FAM13A: variants seen among roughly 807,000 people sequenced by gnomAD.
FAM13A encodes protein FAM13A.
Under a neutral mutation model 129.6 loss-of-function variants are expected in FAM13A, and 76 were observed. That is an observed-to-expected ratio of 0.59 (90% CI 0.49 to 0.71). FAM13A has a LOEUF of 0.71. Among genes scored for constraint, FAM13A ranks in the 30% least tolerant of loss-of-function variants. The pLI is 0.00. For missense variants in FAM13A, 1,108 were observed against 1,249.3 expected (o/e 0.89, Z 1.70); for synonymous variants, 443 against 449.9 (o/e 0.98, Z 0.20).
chr4:88,974,602 G>A (rs141566522), intron 4 of FAM13A, among the ~76,000 whole-genome samples: 40 of 151,994 alleles, frequency 2.6e-4, no homozygotes, highest in Non-Finnish European at 1.5e-4. Flanking sequence ...TCAGCCTCCC[G>A]AGTAGCTGGG....
At chr4:88,822,117 T>G (rs1732071115) in intron 7 of FAM13A, among the ~76,000 whole-genome samples, 1 of 152,208 alleles carries the variant, frequency 6.6e-6, no homozygotes, top group Non-Finnish European at 1.5e-5. Flanking sequence ...ATAGTTTTCC[T>G]AAATGAAACA....
At chr4:88,793,910 A>G (rs1725669128) in intron 8 of FAM13A, among the ~76,000 whole-genome samples, 1 of 151,994 alleles carries the variant, frequency 6.6e-6, no homozygotes, top group Admixed American at 6.6e-5. Context: ...ATTCACCCTT[A>G]ACAAAATTTT....
intron 6 of FAM13A, among the ~76,000 whole-genome samples, chr4:88,903,434 G>T (rs1477400794): frequency 6.6e-6 from 1 of 152,052 alleles, no homozygotes; most frequent in East Asian, 1.9e-4. Flanking sequence ...CAATGGAATA[G>T]AATAGAGAAG....
intron 7 of FAM13A, among the ~76,000 whole-genome samples, chr4:88,832,748 A>G (rs762332310): frequency 6.6e-6 from 1 of 152,160 alleles, no homozygotes; most frequent in Non-Finnish European, 1.5e-5. Context: ...TGGCAAGGTT[A>G]AGGAGAAAAA....
At chr4:88,943,537 T>C (rs1055590774) in intron 4 of FAM13A, among the ~76,000 whole-genome samples, 1 of 152,248 alleles carries the variant, frequency 6.6e-6, no homozygotes, top group Non-Finnish European at 1.5e-5. Flanking sequence ...AACATGGCCA[T>C]TTTAAATCTT....
At chr4:89,007,909 C>T (rs185064972) in intron 3 of FAM13A, among the ~76,000 whole-genome samples, 90 of 152,288 alleles carry the variant, frequency 5.9e-4, no homozygotes, top group African/African-American at 2.1e-3. Flanking sequence ...AGTCACCTAA[C>T]GGCACCCATT....
chr4:88,935,145 T>C (rs1753646572), intron 5 of FAM13A, among the ~76,000 whole-genome samples: 1 of 152,332 alleles, frequency 6.6e-6, no homozygotes, highest in East Asian at 1.9e-4. Context: ...ATTTTGCAGC[T>C]ACTGACCAGA....
intron 5 of FAM13A, among the ~76,000 whole-genome samples, chr4:88,935,917 C>A (rs902699881): frequency 2.7e-5 from 4 of 148,286 alleles, no homozygotes; most frequent in Non-Finnish European, 4.5e-5. Context: ...AGACTATCAG[C>A]GAGATCAGTT....
At chr4:88,887,510 T>A (rs967094007) in intron 6 of FAM13A, among the ~76,000 whole-genome samples, 1 of 150,946 alleles carries the variant, frequency 6.6e-6, no homozygotes, top group East Asian at 1.9e-4. Flanking sequence ...ATCATTTGGT[T>A]CACATATGTA....
chr4:88,732,628 T>C (rs1738078841), intron 21 of FAM13A: 1 of 136,254 alleles, frequency 7.3e-6, no homozygotes, highest in African/African-American at 3.2e-5. Context: ...CTCAGATGGC[T>C]TTAAAAAAAA....
At position 88,918,223 on chromosome 4, in the gene FAM13A, C is replaced by T. The variant is rs149792065; in HGVS notation, c.760-11761G>A. On this transcript the variant is annotated intron_variant, in intron 5 of 23. Coordinates refer to ENST00000264344, the MANE Select transcript of FAM13A (RefSeq NM_014883.4). The stretch of plus-strand genomic sequence containing the variant: ...ACTCGAGAAAATTTTGAATTGAAAT[C>T]GTGCAGCATTGATGGTAATGATAAT... Among the ~76,000 whole-genome samples the T allele has an allele frequency of 7.8e-4, 119 of 152,236 alleles. 1 individual carries two copies. Among genetic ancestry groups the T allele is most frequent in the East Asian group, 6.2e-3 (32 of 5,184 alleles).
chr4:88,832,199 A>G (rs529008323), intron 7 of FAM13A, among the ~76,000 whole-genome samples: 3 of 152,342 alleles, frequency 2.0e-5, no homozygotes, highest in African/African-American at 7.2e-5. Context: ...GAAAACTGAA[A>G]CTGGACCCCT....
chr4:88,909,270 GA>G (rs1748653283), intron 5 of FAM13A, among the ~76,000 whole-genome samples: 1 of 152,082 alleles, frequency 6.6e-6, no homozygotes, highest in South Asian at 2.1e-4. Flanking sequence ...CTATAAAAAG[GA>G]ATAAAGTACT....
At chr4:89,017,912 C>A (rs1479265852) in intron 3 of FAM13A, among the ~76,000 whole-genome samples, 1 of 152,078 alleles carries the variant, frequency 6.6e-6, no homozygotes. Context: ...ACAACCAGAA[C>A]AAACTGTTCT....
chr4:88,749,018 T>C lies in FAM13A; in HGVS notation c.2095A>G (p.Lys699Glu). The C allele has an allele frequency of 6.2e-7, 1 of 1,613,492 alleles. No homozygotes were observed. The highest frequency in any genetic ancestry group is 1.1e-5 in the South Asian group (1 of 91,048). The change falls in exon 17 of 24, where the codon AAA becomes GAA. Residue 699 changes from lysine to glutamate, a missense_variant. Around this residue, in one of 3 missense-constraint regions of FAM13A, gnomAD observed 529 missense variants for 621.2 expected, o/e 0.85. Coordinates refer to ENST00000264344, the MANE Select transcript of FAM13A (RefSeq NM_014883.4). ...TTCAGAACCTCCGGATTGGCTGCTTTGTCACTGTGGGAAGGCTGAGAAAAG... is the reference window on the plus strand; with the variant it reads ...TTCAGAACCTCCGGATTGGCTGCTTCGTCACTGTGGGAAGGCTGAGAAAAG... ...EKKYRPSHSDKAANPEVLKWT... is the reference protein window; with the variant it reads ...EKKYRPSHSDEAANPEVLKWT...
rs1470372241 is a variant in FAM13A at position 88,991,242 on chromosome 4, C to T, written c.428-92G>A. ...GTGTAATACATTCTAACATTTTATT[C>T]AGAAAAAAACTCTTGAGAGACTGAG... is the stretch of plus-strand genomic sequence containing the variant. On this transcript the variant is annotated intron_variant, in intron 3 of 23. Coordinates refer to ENST00000264344, the MANE Select transcript of FAM13A (RefSeq NM_014883.4). The T allele has an allele frequency of 6.5e-6, 6 of 921,266 alleles. No homozygotes were observed. The East Asian group carries it at 1.3e-4, about 20-fold the overall frequency. The allele number at this position is 921,266 out of a possible 1,614,324, so 57.1% of individuals were successfully genotyped here.
chr4:88,752,069 G>A (rs1742743584), intron 14 of FAM13A, among the ~76,000 whole-genome samples: 1 of 152,080 alleles, frequency 6.6e-6, no homozygotes, highest in South Asian at 2.1e-4. Context: ...AATCCTGGCC[G>A]CACATTAAAG....
At chr4:88,736,009 A>G (rs1302022851) in intron 21 of FAM13A, among the ~76,000 whole-genome samples, 2 of 152,198 alleles carry the variant, frequency 1.3e-5, no homozygotes, top group African/African-American at 4.8e-5. Flanking sequence ...TAACGGTTCT[A>G]TTGCATGCTG....
intron 7 of FAM13A, among the ~76,000 whole-genome samples, chr4:88,840,428 T>G (rs1735626435): frequency 1.3e-5 from 2 of 152,218 alleles, no homozygotes; most frequent in African/African-American, 2.4e-5. Flanking sequence ...ATTGCATATT[T>G]CTTTGCTGAT....
Sources: allele counts gnomAD v4.1 joint callset (sites outside exome capture counted in the v4.1 genomes callset), GRCh38; gene constraint gnomAD v4.1.1; regional missense constraint gnomAD v4.1.1; transcripts MANE v1.5; gene names NCBI Gene and HGNC (gene_info 2026-07-23, HGNC 2026-07-21).